The following NREP variants were observed in gnomAD, a reference collection of about 807,000 sequenced individuals.
The protein encoded by NREP is neuronal regeneration related protein.
In NREP, 5 loss-of-function variants were observed where a neutral mutation model predicts 8.6. The observed-to-expected ratio is 0.58, with a 90% CI of 0.30 to 1.22. The LOEUF (loss-of-function observed/expected upper bound fraction) is 1.22. Among genes scored for constraint, NREP ranks in the 50% most tolerant of loss-of-function variants. The pLI is 0.07. For missense variants in NREP, 86 were observed against 82.5 expected, an observed-to-expected ratio of 1.04 and a Z score of -0.17; for synonymous variants, 27 against 28.0, an observed-to-expected ratio of 0.96 and a Z score of 0.11.
At chr5:111,744,247 A>G (rs1463230991) in intron 2 of NREP, among the ~76,000 whole-genome samples, 1 of 152,162 alleles carries the variant, frequency 6.6e-6, no homozygotes, top group African/African-American at 2.4e-5. Flanking sequence ...TTATTTCACA[A>G]TTCAATGCTT....
At chr5:111,922,204 G>A (rs1755259374) in intron 2 of NREP, among the ~76,000 whole-genome samples, 3 of 152,072 alleles carry the variant, frequency 2.0e-5, no homozygotes, top group African/African-American at 4.8e-5. Flanking sequence ...AACTTTCTGA[G>A]GTGTCTTTTG....
At chr5:111,950,473 G>A (rs1329787250) in intron 2 of NREP, among the ~76,000 whole-genome samples, 3 of 152,080 alleles carry the variant, frequency 2.0e-5, no homozygotes, top group Non-Finnish European at 1.5e-5. Flanking sequence ...ATACCATTCA[G>A]GACATATGCA....
chr5:111,882,783 T>C (rs1367142567), intron 2 of NREP, among the ~76,000 whole-genome samples: 1 of 151,972 alleles, frequency 6.6e-6, no homozygotes, highest in East Asian at 1.9e-4. Flanking sequence ...TGCTGAGAGA[T>C]TTTGTCACCA....
At chr5:111,799,080 G>A (rs571576312) in intron 2 of NREP, among the ~76,000 whole-genome samples, 1 of 152,194 alleles carries the variant, frequency 6.6e-6, no homozygotes, top group East Asian at 1.9e-4. Flanking sequence ...ACACTTGGTT[G>A]TATTTGGCTT....
At chr5:111,950,577 C>T (rs911269817) in intron 2 of NREP, among the ~76,000 whole-genome samples, 4 of 151,650 alleles carry the variant, frequency 2.6e-5, no homozygotes, top group South Asian at 2.1e-4. Context: ...AGCTTCTGCA[C>T]GCAAAAGAAA....
At chr5:111,820,573 T>G (rs1752493270) in intron 2 of NREP, among the ~76,000 whole-genome samples, 2 of 152,076 alleles carry the variant, frequency 1.3e-5, no homozygotes, top group South Asian at 4.1e-4. Context: ...AGAGCTGATT[T>G]TTTTTTTTAA....
chr5:111,964,869 A>T (rs868719234), intron 2 of NREP, among the ~76,000 whole-genome samples: 4,661 of 107,502 alleles, frequency 0.043, 31 homozygotes, highest in Non-Finnish European at 0.052. Flanking sequence ...AAAAAAAAAA[A>T]AAAAAAAAAA....
At chr5:111,930,100 C>A (rs1755495016) in intron 2 of NREP, among the ~76,000 whole-genome samples, 1 of 152,150 alleles carries the variant, frequency 6.6e-6, no homozygotes, top group African/African-American at 2.4e-5. Flanking sequence ...CTCAGGGTCT[C>A]AGGAAAAGGG....
chr5:111,806,952 C>A (rs2112910127), intron 2 of NREP, among the ~76,000 whole-genome samples: 1 of 152,136 alleles, frequency 6.6e-6, no homozygotes, highest in Admixed American at 6.5e-5. Flanking sequence ...CTGCCTAGAC[C>A]TCCAGGGAGA....
intron 2 of NREP, among the ~76,000 whole-genome samples, chr5:111,737,146 G>GAAAGT (rs1270234238): frequency 1.3e-5 from 2 of 152,162 alleles, no homozygotes; most frequent in Non-Finnish European, 2.9e-5. Context: ...AGCTCCTTCA[G>GAAAGT]AAAGTAATCC....
intron 2 of NREP, among the ~76,000 whole-genome samples, chr5:111,749,105 C>T (rs1032605319): frequency 6.6e-6 from 1 of 152,064 alleles, no homozygotes; most frequent in African/African-American, 2.4e-5. Context: ...GTAGCCTGCT[C>T]CCTCTAAGAA....
At chr5:111,790,829 G>C (rs939877645) in intron 2 of NREP, among the ~76,000 whole-genome samples, 10 of 152,048 alleles carry the variant, frequency 6.6e-5, no homozygotes, top group African/African-American at 2.2e-4. Context: ...AAATTGTATA[G>C]CTCCACTTAT....
At chr5:111,796,367 G>A (rs934140407) in intron 2 of NREP, among the ~76,000 whole-genome samples, 1 of 152,082 alleles carries the variant, frequency 6.6e-6, no homozygotes, top group African/African-American at 2.4e-5. Flanking sequence ...TTTACCAGAT[G>A]TACAAAGTCC....
At chr5:111,920,186 G>A (rs1019445179) in intron 2 of NREP, among the ~76,000 whole-genome samples, 1 of 152,218 alleles carries the variant, frequency 6.6e-6, no homozygotes. Flanking sequence ...TTTCCCTGGT[G>A]CCTGCAATCA....
chr5:111,911,746 T>G (rs1008950670), intron 2 of NREP, among the ~76,000 whole-genome samples: 1 of 152,222 alleles, frequency 6.6e-6, no homozygotes. Context: ...GACATAAAAA[T>G]AGACACCAAT....
chr5:111,903,762 A>C (rs1754708558), intron 2 of NREP, among the ~76,000 whole-genome samples: 1 of 152,092 alleles, frequency 6.6e-6, no homozygotes, highest in Admixed American at 6.6e-5. Flanking sequence ...ACAGAGAAAA[A>C]CACTCCCGAT....
intron 2 of NREP, 60 bp downstream of exon 2, chr5:111,755,710 A>T: frequency 6.3e-7 from 1 of 1,578,230 alleles, no homozygotes; most frequent in African/African-American, 1.3e-5. Context: ...GGTGGTTGAT[A>T]TTTATATGTA....
chr5:111,752,753 A>C (rs550471056), intron 2 of NREP, among the ~76,000 whole-genome samples: 32 of 152,318 alleles, frequency 2.1e-4, no homozygotes, highest in Non-Finnish European at 3.5e-4. Flanking sequence ...ACTCATGCTT[A>C]CGTCACTGTG....
intron 2 of NREP, among the ~76,000 whole-genome samples, chr5:111,822,472 G>A (rs1561680541): frequency 6.6e-6 from 1 of 152,158 alleles, no homozygotes; most frequent in Non-Finnish European, 1.5e-5. Context: ...CTATCAATCG[G>A]GATTCCTGAA....
Sources: gnomAD v4.1 joint callset for allele counts (sites outside exome capture counted in the v4.1 genomes callset) on GRCh38, gnomAD v4.1.1 for gene constraint, MANE v1.5 for transcripts, NCBI Gene and HGNC (gene_info 2026-07-23, HGNC 2026-07-21) for gene names.